Variants in INTU observed in about 807,000 individuals in gnomAD.
The protein encoded by INTU is inturned planar cell polarity protein.
INTU carries 68 observed loss-of-function variants against 100.5 expected under a neutral mutation model. The ratio of observed to expected loss-of-function variants is 0.68; its 90% CI spans 0.56 to 0.83. INTU has a LOEUF of 0.83. Ranked by LOEUF, INTU falls within the 40% of genes least tolerant of loss-of-function variation. INTU has a pLI of 0.00. For missense variants in INTU, 1,071 were observed against 1,114.7 expected, an observed-to-expected ratio of 0.96 and a Z score of 0.56; for synonymous variants, 357 against 395.7, an observed-to-expected ratio of 0.90 and a Z score of 1.16.
chr4:127,670,355 A>G (rs1235526983), intron 5 of INTU, among the ~76,000 whole-genome samples: 2 of 151,906 alleles, frequency 1.3e-5, no homozygotes, highest in Non-Finnish European at 2.9e-5. Flanking sequence ...TAAAAGAGGT[A>G]GAATCTACAA....
chr4:127,655,904 G>C (rs1334889062), intron 2 of INTU, among the ~76,000 whole-genome samples: 9 of 151,722 alleles, frequency 5.9e-5, no homozygotes, highest in Admixed American at 2.0e-4. Context: ...CTCCGAGCCA[G>C]GTGCGGGATA....
chr4:127,716,372 A>T lies in INTU; in HGVS notation c.2765A>T (p.His922Leu). The change falls in exon 16 of 16, where the codon CAT becomes CTT. Residue 922 changes from histidine to leucine, a missense_variant. By Grantham distance (99) the His-to-Leu change is moderately conservative. Coordinates refer to ENST00000335251, the MANE Select transcript of INTU (RefSeq NM_015693.4). ...PKPQELYVCF[H>L]DSVTEIAIEI... ...CCTCAAGAACTTTATGTCTGTTTTCATGACTCAGTCACAGAAATTGCCATT... is the reference window on the plus strand; with the variant it reads ...CCTCAAGAACTTTATGTCTGTTTTCTTGACTCAGTCACAGAAATTGCCATT... 1 of 1,591,618 alleles carries T rather than the reference A, an allele frequency of 6.3e-7. No homozygotes were observed. Among genetic ancestry groups the T allele is most frequent in the South Asian group, 1.1e-5 (1 of 87,112 alleles).
chr4:127,645,579 A>G (rs1046162252), intron 2 of INTU, among the ~76,000 whole-genome samples: 3 of 150,180 alleles, frequency 2.0e-5, no homozygotes, highest in African/African-American at 7.3e-5. Context: ...TTTATTTTTG[A>G]GATGGAGTTT....
At position 127,687,778 on chromosome 4, in the gene INTU, C is replaced by G; in HGVS notation, c.1360C>G (p.Pro454Ala). The G allele has an allele frequency of 6.2e-7, 1 of 1,613,544 alleles. No homozygotes were observed. The highest frequency in any genetic ancestry group is 8.5e-7 in the Non-Finnish European group (1 of 1,179,636). Residue 454 changes from proline to alanine, a missense_variant, in exon 8 of 16, where the codon CCC becomes GCC. Transcript: ENST00000335251. ...QPAKLHSSAS[P>A]SAQQYDASSA... ...TGCGAAACTGCATTCCAGCGCCAGTCCCAGTGCTCAGCAGTACGATGCTTC... is the reference window on the plus strand; with the variant it reads ...TGCGAAACTGCATTCCAGCGCCAGTGCCAGTGCTCAGCAGTACGATGCTTC...
At chr4:127,656,823 A>G (rs1338516614) in intron 3 of INTU, 102 bp downstream of exon 3, 3 of 622,430 alleles carry the variant, frequency 4.8e-6, no homozygotes, top group African/African-American at 1.8e-5. Context: ...AGTATCATGT[A>G]TAATGGATGA....
At chr4:127,647,466 C>A (rs1727639778) in intron 2 of INTU, among the ~76,000 whole-genome samples, 1 of 152,186 alleles carries the variant, frequency 6.6e-6, no homozygotes, top group African/African-American at 2.4e-5. Context: ...CTGACCCTGA[C>A]ACTTTTGCCT....
rs560501213 is a variant in INTU, at chr4:127,666,259, T to G, written c.972+2675T>G. On this transcript the variant is annotated intron_variant, in intron 4 of 15. Transcript: ENST00000335251. ...GACTCTATACTTGTAGACTCTATAC[T>G]CTATTCTAGATCTACTAGATTCTAC... Among the ~76,000 whole-genome samples the G allele has an allele frequency of 2.0e-5, 3 of 152,278 alleles. No individual in the cohort carries two copies. The South Asian group carries it at 6.2e-4, about 32-fold the overall frequency.
At chr4:127,691,791 T>C (rs187604732) in intron 8 of INTU, among the ~76,000 whole-genome samples, 1 of 151,860 alleles carries the variant, frequency 6.6e-6, no homozygotes, top group African/African-American at 2.4e-5. Flanking sequence ...ATCATTCTTA[T>C]GCCTTTGCAT....
chr4:127,693,309 A>G (rs1433274689), intron 8 of INTU, among the ~76,000 whole-genome samples: 1 of 151,862 alleles, frequency 6.6e-6, no homozygotes, highest in African/African-American at 2.4e-5. Context: ...TTGCTTCAGT[A>G]TATTCCTAAG....
chr4:127,688,225 T>C lies in INTU; in HGVS notation c.1449+358T>C, dbSNP rs1052386089. ...TCTGTACAAAAAAAAAAAAAGTGGA[T>C]GACATGGTTGACTAACAGTATTCTC... On this transcript the variant is annotated intron_variant, in intron 8 of 15. Coordinates refer to ENST00000335251, the MANE Select transcript of INTU (RefSeq NM_015693.4). 1.8e-4 allele frequency among the ~76,000 whole-genome samples: 27 copies of C among 151,282 alleles called. 1 individual carries two copies. The highest frequency in any genetic ancestry group is 1.8e-3 in the Admixed American group (27 of 15,198).
chr4:127,641,818 T>C (rs1727347339), intron 1 of INTU, among the ~76,000 whole-genome samples: 1 of 152,180 alleles, frequency 6.6e-6, no homozygotes, highest in African/African-American at 2.4e-5. Flanking sequence ...TGCTATCCCC[T>C]TGGCCACCAC....
At chr4:127,693,616 A>G (rs1367047136) in intron 8 of INTU, among the ~76,000 whole-genome samples, 2 of 152,104 alleles carry the variant, frequency 1.3e-5, no homozygotes, top group Non-Finnish European at 1.5e-5. Flanking sequence ...TGTGTTGAAT[A>G]GAAGTGGTGA....
intron 1 of INTU, among the ~76,000 whole-genome samples, chr4:127,640,542 CATATAT>C (rs869116277): frequency 0.06 from 3,209 of 53,350 alleles, 113 homozygotes; most frequent in Middle Eastern, 0.13. Context: ...GGTAAAGATA[CATATAT>C]ATATATATAT....
chr4:127,690,650 T>G (rs1200535435), intron 8 of INTU, among the ~76,000 whole-genome samples: 3 of 152,226 alleles, frequency 2.0e-5, no homozygotes, highest in Non-Finnish European at 4.4e-5. Flanking sequence ...ATATAAAATT[T>G]GAACAACAAT....
At chr4:127,705,216 A>G (rs887191393) in intron 10 of INTU, among the ~76,000 whole-genome samples, 4 of 152,240 alleles carry the variant, frequency 2.6e-5, no homozygotes, top group African/African-American at 4.8e-5. Flanking sequence ...TTTAAACACA[A>G]TATAAAACAC....
chr4:127,706,298 G>A (rs1335050785), intron 11 of INTU, among the ~76,000 whole-genome samples, 189 bp from the exon 12 acceptor site: 1 of 152,154 alleles, frequency 6.6e-6, no homozygotes, highest in Non-Finnish European at 1.5e-5. Context: ...ATGTAAGATT[G>A]TTTTCAACTG....
chr4:127,661,682 A>G (rs1015783764), intron 3 of INTU, among the ~76,000 whole-genome samples: 14 of 152,268 alleles, frequency 9.2e-5, no homozygotes, highest in Admixed American at 2.0e-4. Context: ...CAAAGTCTAT[A>G]CTCAGGAATT....
intron 6 of INTU, among the ~76,000 whole-genome samples, chr4:127,682,395 A>G (rs1729611866): frequency 6.6e-6 from 1 of 152,140 alleles, no homozygotes; most frequent in Non-Finnish European, 1.5e-5. Flanking sequence ...AAAATGTGGC[A>G]TATATATACC....
In INTU at chr4:127,643,512, C is replaced by G; in HGVS notation, c.147-9C>G. On this transcript the variant is annotated splice_polypyrimidine_tract_variant and intron_variant, in intron 1 of 15. Coordinates refer to ENST00000335251, the MANE Select transcript of INTU (RefSeq NM_015693.4). ...CTGCTATTAAGATTATCTTTTCTCT[C>G]TTTCATAGTGATCTTGAGCCTGAAT... 6.4e-7 allele frequency: 1 copy of G among 1,573,280 alleles called. No homozygotes were observed. Among genetic ancestry groups the G allele is most frequent in the Non-Finnish European group, 8.6e-7 (1 of 1,166,282 alleles).
Sources: allele counts gnomAD v4.1 joint callset (sites outside exome capture counted in the v4.1 genomes callset), GRCh38; gene constraint gnomAD v4.1.1; transcripts MANE v1.5; gene names NCBI Gene and HGNC (gene_info 2026-07-23, HGNC 2026-07-21).